The following TRAM1 variants were observed in gnomAD, a reference collection of about 807,000 sequenced individuals.
TRAM1 encodes the protein translocation associated membrane protein 1.
Under a neutral mutation model 48.7 loss-of-function variants are expected in TRAM1, and 17 were observed. The ratio of observed to expected loss-of-function variants is 0.35; its 90% CI spans 0.24 to 0.52. The LOEUF is 0.52. TRAM1 is among the 20% of genes least tolerant of loss of function. The pLI is 0.94. For missense variants in TRAM1, 351 were observed against 441.5 expected (o/e 0.79, Z 1.84); for synonymous variants, 182 against 154.0 (o/e 1.18, Z -1.34).
chr8:70,583,960 C>G (rs910756206), intron 8 of TRAM1, among the ~76,000 whole-genome samples, 167 bp from the exon 9 acceptor site: 1 of 152,140 alleles, frequency 6.6e-6, no homozygotes, highest in Non-Finnish European at 1.5e-5. Flanking sequence ...TCACAGTGAG[C>G]AGAGATTGCG....
chr8:70,580,114 T>C (rs1817044348), intron 10 of TRAM1, among the ~76,000 whole-genome samples: 1 of 152,156 alleles, frequency 6.6e-6, no homozygotes, highest in Non-Finnish European at 1.5e-5. Flanking sequence ...CTTCAACAAC[T>C]CTTCCATTGC....
intron 9 of TRAM1, 62 bp downstream of exon 9, chr8:70,583,588 A>G: frequency 6.4e-7 from 1 of 1,560,310 alleles, no homozygotes; most frequent in South Asian, 1.2e-5. Context: ...TTCAATGTAG[A>G]GAAACTGATA....
intron 1 of TRAM1, among the ~76,000 whole-genome samples, chr8:70,600,418 A>C (rs1435888527): frequency 6.6e-6 from 1 of 152,254 alleles, no homozygotes; most frequent in Non-Finnish European, 1.5e-5. Flanking sequence ...CTATTAAGAC[A>C]AATTTCAAGT....
At chr8:70,607,498 A>T in intron 1 of TRAM1, 2 of 985,480 alleles carry the variant, frequency 2.0e-6, no homozygotes, top group Non-Finnish European at 2.4e-6. Context: ...AGTCGAAAGC[A>T]GATGCCTGAC....
intron 10 of TRAM1, among the ~76,000 whole-genome samples, chr8:70,575,261 T>G (rs1310822042): frequency 1.3e-5 from 2 of 152,152 alleles, no homozygotes; most frequent in African/African-American, 4.8e-5. Flanking sequence ...TCACAAGAAT[T>G]TAAAAATAGT....
intron 10 of TRAM1, among the ~76,000 whole-genome samples, chr8:70,579,081 T>C (rs13281844): frequency 0.12 from 17,977 of 152,274 alleles, 1,266 homozygotes; most frequent in African/African-American, 0.19. Flanking sequence ...GGAGAAAACA[T>C]AGTATATACA....
Position 70,600,037 on chromosome 8 carries a change from CATT to C in TRAM1, c.166_168del (p.Asn56del). 6.2e-7 allele frequency: 1 copy of C among 1,613,788 alleles called. No homozygotes were observed. The highest frequency in any genetic ancestry group is 1.1e-5 in the South Asian group (1 of 91,046). ...TACCTACCTGTTGCTGGGAGGGTGA[CATT>C]GTACTGAAGAGTAACAAAAATGATA... On this transcript the variant is annotated inframe_deletion, in exon 2 of 11. Coordinates refer to ENST00000262213, the MANE Select transcript of TRAM1 (RefSeq NM_014294.6).
At chr8:70,592,919 T>A (rs924039110) in intron 6 of TRAM1, among the ~76,000 whole-genome samples, 29 of 152,164 alleles carry the variant, frequency 1.9e-4, no homozygotes, top group Admixed American at 2.6e-4. Flanking sequence ...TTCGTTTTTG[T>A]TTTTTAAGTT....
intron 1 of TRAM1, 152 bp downstream of exon 1, chr8:70,607,925 A>C: frequency 1.1e-6 from 1 of 907,228 alleles, no homozygotes; most frequent in Non-Finnish European, 1.5e-6. Context: ...GGGGCAGGGC[A>C]GGGAAGGCCT....
At chr8:70,593,478 C>T (rs1034113639) in intron 6 of TRAM1, among the ~76,000 whole-genome samples, 3 of 151,494 alleles carry the variant, frequency 2.0e-5, no homozygotes, top group Non-Finnish European at 2.9e-5. Flanking sequence ...CTGACATACC[C>T]GTAACTCAAT....
chr8:70,586,791 C>A, intron 8 of TRAM1, 104 bp downstream of exon 8: 2 of 916,200 alleles, frequency 2.2e-6, no homozygotes, highest in Non-Finnish European at 1.7e-6. Flanking sequence ...GGCTACTGAT[C>A]GCTTAAAAAG....
rs759163139 is a variant in TRAM1 at position 70,594,632 on chromosome 8, A to AT, written c.486-43dup. 2.8e-5 allele frequency: 42 copies of AT among 1,479,698 alleles called. No individual in the cohort carries two copies. In the East Asian group the frequency reaches 3.8e-4, roughly 13 times the overall value. 91.7% of individuals were successfully genotyped at this position (1,479,698 alleles called of 1,614,324 possible). A position where few individuals can be genotyped will look rare whatever the true frequency, so the allele number is the denominator to read the frequency against. ...AATGAAGAGTACCTTTTAAAGCATA[A>AT]TTTTTTTAAAAAAAAGTAAACAAAT... On this transcript the variant is annotated intron_variant, in intron 5 of 10. Coordinates refer to ENST00000262213, the MANE Select transcript of TRAM1 (RefSeq NM_014294.6).
At chr8:70,588,588 A>G (rs1484956424) in intron 6 of TRAM1, among the ~76,000 whole-genome samples, 1 of 152,178 alleles carries the variant, frequency 6.6e-6, no homozygotes, top group Non-Finnish European at 1.5e-5. Context: ...ACGCTGTCTC[A>G]AAAAGAAAAA....
chr8:70,574,887 A>C lies in TRAM1; in HGVS notation c.*45T>G. On this transcript the variant is annotated 3_prime_UTR_variant, in exon 11 of 11. Coordinates refer to ENST00000262213, the MANE Select transcript of TRAM1 (RefSeq NM_014294.6). ...TCTCTAATGCTGAAAGATATAGTAG[A>C]AAGCAGATTTCTTTGGGGACATTAA... 1 of 1,301,606 alleles carries C rather than the reference A, an allele frequency of 7.7e-7. No homozygotes were observed. Among genetic ancestry groups the C allele is most frequent in the Non-Finnish European group, 1.1e-6 (1 of 905,746 alleles). The allele number at this position is 1,301,606 out of a possible 1,614,324, so 80.6% of individuals were successfully genotyped here.
rs748051024 is a variant in TRAM1, at chr8:70,574,338, T to C, written c.*594A>G. ...AAAACTCCACGTGTTGTAACGATTA[T>C]TATGTTTTTGTTTTTAAAATGGGGA... On this transcript the variant is annotated 3_prime_UTR_variant, in exon 11 of 11. Coordinates refer to ENST00000262213, the MANE Select transcript of TRAM1 (RefSeq NM_014294.6). The C allele has an allele frequency of 9.9e-6, 3 of 301,686 alleles. No individual in the cohort carries two copies. Among genetic ancestry groups the C allele is most frequent in the South Asian group, 8.0e-5 (3 of 37,282 alleles). 18.7% of individuals were successfully genotyped at this position (301,686 alleles called of 1,614,324 possible).
chr8:70,578,969 A>G (rs1004919095), intron 10 of TRAM1, among the ~76,000 whole-genome samples: 3 of 152,236 alleles, frequency 2.0e-5, no homozygotes, highest in African/African-American at 4.8e-5. Context: ...TGAGTACTGT[A>G]TAATATTTTG....
At chr8:70,604,946 A>T (rs950909674) in intron 1 of TRAM1, among the ~76,000 whole-genome samples, 4 of 152,188 alleles carry the variant, frequency 2.6e-5, no homozygotes, top group Admixed American at 2.6e-4. Context: ...CATTCATTGT[A>T]TACTATGATT....
intron 2 of TRAM1, among the ~76,000 whole-genome samples, chr8:70,599,664 G>T (rs1817563488): frequency 6.6e-6 from 1 of 152,122 alleles, no homozygotes; most frequent in African/African-American, 2.4e-5. Context: ...AACTAAATCT[G>T]CCATTGTGCT....
chr8:70,607,605 C>T (rs552883236), intron 1 of TRAM1: 87 of 561,120 alleles, frequency 1.6e-4, no homozygotes, highest in Non-Finnish European at 1.7e-4. Flanking sequence ...GACCCGGGGG[C>T]CGGGCCTCGG....
Sources: gnomAD v4.1 joint callset for allele counts (sites outside exome capture counted in the v4.1 genomes callset) on GRCh38, gnomAD v4.1.1 for gene constraint, MANE v1.5 for transcripts, NCBI Gene and HGNC (gene_info 2026-07-23, HGNC 2026-07-21) for gene names.